Variants in DGKB observed in about 807,000 individuals in gnomAD.
DGKB encodes the protein 90 kDa diacylglycerol kinase.
A neutral mutation model predicts 114.3 loss-of-function variants in DGKB; 67 were observed. The observed-to-expected ratio is 0.59, with a 90% CI of 0.48 to 0.72. The LOEUF (loss-of-function observed/expected upper bound fraction) is 0.72. DGKB is among the 30% of genes least tolerant of loss of function. The probability of loss-of-function intolerance (pLI) is 0.00; values close to 1 mark genes in which losing one functional copy is unlikely to be tolerated. For missense variants in DGKB, 907 were observed against 975.2 expected (o/e 0.93, Z 0.93); for synonymous variants, 398 against 323.1 (o/e 1.23, Z -2.49).
intron 4 of DGKB, among the ~76,000 whole-genome samples, chr7:14,743,575 A>G (rs1397136839): frequency 1.3e-5 from 2 of 152,158 alleles, no homozygotes; most frequent in Non-Finnish European, 2.9e-5. Flanking sequence ...AGGTAAACAG[A>G]ATAATTTAAC....
At chr7:14,394,604 C>T (rs1431300798) in intron 21 of DGKB, among the ~76,000 whole-genome samples, 2 of 152,100 alleles carry the variant, frequency 1.3e-5, no homozygotes, top group African/African-American at 4.8e-5. Context: ...AACATGAATG[C>T]CATGTAAGTT....
At chr7:14,460,518 A>G (rs577411063) in intron 21 of DGKB, among the ~76,000 whole-genome samples, 1 of 152,292 alleles carries the variant, frequency 6.6e-6, no homozygotes, top group East Asian at 1.9e-4. Context: ...AGGGCATGAC[A>G]TAATGGTAAA....
intron 2 of DGKB, among the ~76,000 whole-genome samples, chr7:14,802,668 G>T (rs1195003619): frequency 6.6e-6 from 1 of 151,950 alleles, no homozygotes; most frequent in East Asian, 1.9e-4. Flanking sequence ...GAATAGTTGT[G>T]AACCTACCAC....
chr7:14,834,760 C>T (rs950600956), intron 2 of DGKB, among the ~76,000 whole-genome samples: 1 of 152,266 alleles, frequency 6.6e-6, no homozygotes. Flanking sequence ...GACCAACATT[C>T]CACAGATGCC....
chr7:14,365,689 C>T (rs73054266), intron 21 of DGKB, among the ~76,000 whole-genome samples: 24,776 of 151,958 alleles, frequency 0.16, 2,545 homozygotes, highest in South Asian at 0.27. Flanking sequence ...TGCCACACTT[C>T]ACTTAGCCTC....
intron 1 of DGKB, among the ~76,000 whole-genome samples, chr7:14,845,002 G>C (rs1412431501): frequency 6.6e-6 from 1 of 151,250 alleles, no homozygotes; most frequent in Non-Finnish European, 1.5e-5. Flanking sequence ...AGCTACTCAG[G>C]AGGCTGAGGT....
At position 14,697,562 on chromosome 7, in the gene DGKB, T is replaced by C. The variant is rs148497066; in HGVS notation, c.591+533A>G. 6.8e-3 allele frequency among the ~76,000 whole-genome samples: 1,029 copies of C among 152,026 alleles called. 10 individuals are homozygous for C. Among genetic ancestry groups the C allele is most frequent in the African/African-American group, 0.023 (954 of 41,418 alleles). ...ACCCCACATATACCTTGTTATCTTA[T>C]TCAGAATCCACTTTGACTTCTGATT... On this transcript the variant is annotated intron_variant, in intron 8 of 25. Transcript: ENST00000402815.
At chr7:14,953,987 T>C (rs1458764020) in intron 1 of DGKB, among the ~76,000 whole-genome samples, 4 of 152,074 alleles carry the variant, frequency 2.6e-5, no homozygotes, top group Non-Finnish European at 4.4e-5. Context: ...GAAGAAATTC[T>C]GGGACTGGGG....
intron 23 of DGKB, among the ~76,000 whole-genome samples, chr7:14,246,355 A>G (rs909891768): frequency 3.3e-5 from 5 of 152,166 alleles, no homozygotes; most frequent in African/African-American, 9.7e-5. Context: ...TGAGGAATAG[A>G]AATGTTAAGT....
Position 14,621,440 on chromosome 7 carries a change from C to T in DGKB, c.1222G>A (p.Val408Met), listed in dbSNP as rs1807625344. Residue 408 changes from valine (V) to methionine (M), a missense_variant, in exon 15 of 26, where the codon GTG becomes ATG. Coordinates refer to ENST00000402815, the MANE Select transcript of DGKB (RefSeq NM_001350709.2). Reference sequence around the variant, plus strand: ...CTTTGCATTTTATTCTTGTCAATCACTTTGTTTGGCTGCTGGGAACCACTC... The same window carrying T: ...CTTTGCATTTTATTCTTGTCAATCATTTTGTTTGGCTGCTGGGAACCACTC... Reference protein sequence around the residue: ...EKSGSQQPNKVIDKNKMQRAN... With the variant: ...EKSGSQQPNKMIDKNKMQRAN... 2 of 1,611,258 alleles carry T rather than the reference C, an allele frequency of 1.2e-6. No homozygotes were observed. Among genetic ancestry groups the T allele is most frequent in the Non-Finnish European group, 1.7e-6 (2 of 1,178,550 alleles).
chr7:14,469,531 C>G (rs1780963442), intron 21 of DGKB, among the ~76,000 whole-genome samples: 1 of 151,948 alleles, frequency 6.6e-6, no homozygotes, highest in African/African-American at 2.4e-5. Flanking sequence ...CACTCTATTC[C>G]AAAGAGCCAT....
intron 20 of DGKB, among the ~76,000 whole-genome samples, chr7:14,514,400 G>C (rs1259623565): frequency 6.6e-6 from 1 of 152,044 alleles, no homozygotes; most frequent in Non-Finnish European, 1.5e-5. Flanking sequence ...TTTCCTCAAA[G>C]CTACTTACAA....
At chr7:14,477,814 C>T (rs1351068597) in intron 21 of DGKB, among the ~76,000 whole-genome samples, 1 of 151,922 alleles carries the variant, frequency 6.6e-6, no homozygotes, top group Non-Finnish European at 1.5e-5. Flanking sequence ...AAATCAGAAC[C>T]CTGTGTTTTT....
intron 2 of DGKB, among the ~76,000 whole-genome samples, chr7:14,773,126 G>T (rs1297607546): frequency 5.3e-5 from 8 of 152,108 alleles, no homozygotes; most frequent in Non-Finnish European, 1.2e-4. Context: ...TTACAAGACA[G>T]CATCATTGTA....
At chr7:14,739,994 T>C (rs1192727152) in intron 4 of DGKB, among the ~76,000 whole-genome samples, 1 of 152,242 alleles carries the variant, frequency 6.6e-6, no homozygotes, top group Non-Finnish European at 1.5e-5. Context: ...TGTATGTACT[T>C]TCGGCATCCA....
At chr7:14,652,341 C>T (rs561250543) in intron 13 of DGKB, among the ~76,000 whole-genome samples, 116 of 152,108 alleles carry the variant, frequency 7.6e-4, no homozygotes, top group Admixed American at 5.4e-3. Context: ...TCAGAAATAA[C>T]GCCGCATATC....
intron 21 of DGKB, among the ~76,000 whole-genome samples, chr7:14,398,236 G>A (rs1237480648): frequency 2.0e-5 from 3 of 152,028 alleles, no homozygotes; most frequent in Admixed American, 1.3e-4. Flanking sequence ...AGTAGCCATT[G>A]TGAAACATTA....
intron 23 of DGKB, among the ~76,000 whole-genome samples, chr7:14,260,012 T>G (rs1796518689): frequency 6.6e-6 from 1 of 151,552 alleles, no homozygotes; most frequent in African/African-American, 2.4e-5. Context: ...GGTTTGAAAT[T>G]ATTCATGTCC....
chr7:14,576,070 A>G (rs1339373402), intron 19 of DGKB, among the ~76,000 whole-genome samples: 1 of 152,218 alleles, frequency 6.6e-6, no homozygotes, highest in Admixed American at 6.5e-5. Flanking sequence ...AGTAAAGGGT[A>G]CAATAAGTAA....
Sources: gnomAD v4.1 joint callset for allele counts (sites outside exome capture counted in the v4.1 genomes callset) on GRCh38, gnomAD v4.1.1 for gene constraint, MANE v1.5 for transcripts, NCBI Gene and HGNC (gene_info 2026-07-23, HGNC 2026-07-21) for gene names.